The following SHANK2 variants were observed in gnomAD, a reference collection of about 807,000 sequenced individuals.
SHANK2 encodes the protein SH3 and multiple ankyrin repeat domains protein 2.
A neutral mutation model predicts 133.7 loss-of-function variants in SHANK2; 43 were observed. That is an observed-to-expected ratio of 0.32 (90% confidence interval 0.25 to 0.41). The LOEUF (loss-of-function observed/expected upper bound fraction) is 0.41, where lower values mean the gene tolerates loss of function less well. SHANK2 is among the 10% of genes least tolerant of loss of function. The pLI, the probability that SHANK2 is intolerant of heterozygous loss-of-function variation, is 1.00. For synonymous variants in SHANK2, 1,017 were observed against 952.8 expected (o/e 1.07, Z -1.24); for missense variants, 1,994 against 2,235.8 (o/e 0.89, Z 2.18).
intron 17 of SHANK2, among the ~76,000 whole-genome samples, chr11:70,622,322 G>A (rs1187422221): frequency 4.1e-5 from 6 of 148,112 alleles, no homozygotes; most frequent in Admixed American, 4.0e-4. Flanking sequence ...GTCAACCCCC[G>A]CCCCCACCTG....
chr11:70,587,391 C>T (rs2060268157), intron 17 of SHANK2, among the ~76,000 whole-genome samples: 1 of 152,136 alleles, frequency 6.6e-6, no homozygotes, highest in South Asian at 2.1e-4. Context: ...GAGCCTGTCG[C>T]GGCACCACGG....
intron 2 of SHANK2, among the ~76,000 whole-genome samples, chr11:71,180,174 A>C (rs1953527999): frequency 6.6e-6 from 1 of 152,212 alleles, no homozygotes; most frequent in African/African-American, 2.4e-5. Flanking sequence ...TCAGAAGCAA[A>C]TAGCTCTGGG....
intron 3 of SHANK2, among the ~76,000 whole-genome samples, chr11:71,135,280 G>A (rs1471749648): frequency 1.3e-5 from 2 of 152,160 alleles, no homozygotes; most frequent in Non-Finnish European, 2.9e-5. Context: ...CCGGCTGATG[G>A]GGTACAAGGA....
At chr11:71,132,153 G>A (rs12286150) in intron 3 of SHANK2, among the ~76,000 whole-genome samples, 2 of 152,122 alleles carry the variant, frequency 1.3e-5, no homozygotes, top group African/African-American at 2.4e-5. Context: ...GGCCTTGTCC[G>A]CCCAGAAGGG....
intron 10 of SHANK2, among the ~76,000 whole-genome samples, chr11:70,907,158 G>A (rs563172233): frequency 6.6e-6 from 1 of 152,370 alleles, no homozygotes; most frequent in Non-Finnish European, 1.5e-5. Flanking sequence ...TATTGTAGGA[G>A]CAGTTCCATG....
chr11:70,685,582 C>T (rs11237177), intron 15 of SHANK2, among the ~76,000 whole-genome samples: 77,682 of 152,022 alleles, frequency 0.51, 20,158 homozygotes, highest in African/African-American at 0.56. Flanking sequence ...AAGCAGATTC[C>T]AAGCTGGACC....
intron 11 of SHANK2, among the ~76,000 whole-genome samples, chr11:70,868,361 C>T (rs1212262676): frequency 3.3e-5 from 5 of 152,188 alleles, no homozygotes; most frequent in African/African-American, 1.2e-4. Flanking sequence ...GATAAACTCC[C>T]AGGCCTCGGT....
intron 17 of SHANK2, among the ~76,000 whole-genome samples, chr11:70,509,108 CA>C: frequency 6.6e-6 from 1 of 152,368 alleles, no homozygotes; most frequent in South Asian, 2.1e-4. Context: ...AGCTGTGGGA[CA>C]GTCCCTGTCT....
chr11:71,113,959 A>T (rs906849789), intron 4 of SHANK2, among the ~76,000 whole-genome samples: 1 of 152,204 alleles, frequency 6.6e-6, no homozygotes, highest in East Asian at 1.9e-4. Context: ...GCACGGAGTA[A>T]GCAACATTGT....
intron 11 of SHANK2, among the ~76,000 whole-genome samples, chr11:70,857,301 T>C (rs1416868837): frequency 6.6e-6 from 1 of 152,154 alleles, no homozygotes; most frequent in Non-Finnish European, 1.5e-5. Flanking sequence ...AGGAATCAAA[T>C]TGGATAATGC....
At position 70,535,345 on chromosome 11, in the gene SHANK2, CCATT is replaced by C. The variant is rs66986001; in HGVS notation, c.2062-32418_2062-32415del. 0.22 allele frequency among the ~76,000 whole-genome samples: 33,333 copies of C among 151,768 alleles called. 4,187 individuals carry two copies. The highest frequency in any genetic ancestry group is 0.38 in the East Asian group (1,942 of 5,128). ...TCTATCCCTCTGTTCTTCCATTCATCCATTCATTATCTACCATCATCCATCTGCC... is the reference window on the plus strand; with the variant it reads ...TCTATCCCTCTGTTCTTCCATTCATCCATTATCTACCATCATCCATCTGCC... On this transcript the variant is annotated intron_variant, in intron 17 of 25. Coordinates refer to ENST00000601538, the MANE Select transcript of SHANK2 (RefSeq NM_012309.5). The surrounding 1 kb of genome is among the most constrained non-coding windows in gnomAD (Gnocchi z 4.3).
chr11:70,816,275 C>T (rs1157261442), intron 12 of SHANK2, among the ~76,000 whole-genome samples: 1 of 152,248 alleles, frequency 6.6e-6, no homozygotes, highest in East Asian at 1.9e-4. Context: ...GGCACAGAAC[C>T]AGCAAGTGAC....
intron 21 of SHANK2, among the ~76,000 whole-genome samples, chr11:70,494,506 C>A (rs143504799): frequency 2.6e-5 from 4 of 152,226 alleles, no homozygotes; most frequent in African/African-American, 7.2e-5. Flanking sequence ...GTTGGCCAGG[C>A]TGGTCTCAGA....
At position 70,468,755 on chromosome 11, in the gene SHANK2, TGGAAGCATAGA is replaced by T. The variant is rs1215845421; in HGVS notation, c.*4103_*4113del. On this transcript the variant is annotated 3_prime_UTR_variant, in exon 26 of 26. Transcript: ENST00000601538. ...TGAGGACTGGAATTTTTCCTGAACG[TGGAAGCATAGA>T]GGCTGCTGCTCAACTGGGGAATGTG... 5 of 152,204 alleles carry T rather than the reference TGGAAGCATAGA, an allele frequency of 3.3e-5. No homozygotes were observed. The highest frequency in any genetic ancestry group is 1.2e-4 in the African/African-American group (5 of 41,456). 9.4% of individuals were successfully genotyped at this position (152,204 alleles called of 1,614,324 possible).
At chr11:70,514,776 A>C (rs1158990810) in intron 17 of SHANK2, among the ~76,000 whole-genome samples, 1 of 152,216 alleles carries the variant, frequency 6.6e-6, no homozygotes, top group East Asian at 1.9e-4. Context: ...AGAATAGTTA[A>C]ATAATCTAAA....
chr11:70,639,301 G>A (rs894138323), intron 17 of SHANK2, among the ~76,000 whole-genome samples: 1 of 152,188 alleles, frequency 6.6e-6, no homozygotes, highest in Non-Finnish European at 1.5e-5. Flanking sequence ...CCACAAACTG[G>A]TGGCTTCTAG....
At chr11:70,927,062 A>G (rs1950438592) in intron 10 of SHANK2, among the ~76,000 whole-genome samples, 1 of 152,226 alleles carries the variant, frequency 6.6e-6, no homozygotes, top group South Asian at 2.1e-4. Flanking sequence ...AGGGAAAAAA[A>G]GAATACCAGG....
chr11:70,734,392 G>A (rs781902542), intron 14 of SHANK2, among the ~76,000 whole-genome samples: 8 of 152,194 alleles, frequency 5.3e-5, no homozygotes, highest in East Asian at 1.9e-4. Context: ...CATGATGAGC[G>A]TGAGGGCGCC....
intron 9 of SHANK2, among the ~76,000 whole-genome samples, chr11:71,072,173 T>C (rs987473213): frequency 6.6e-6 from 1 of 152,008 alleles, no homozygotes; most frequent in African/African-American, 2.4e-5. Flanking sequence ...AAGCAGTGCC[T>C]GCACCCCACC....
Sources: gnomAD v4.1 joint callset for allele counts (sites outside exome capture counted in the v4.1 genomes callset) on GRCh38, gnomAD v4.1.1 for gene constraint, Gnocchi (gnomAD v3.1) non-coding constraint, MANE v1.5 for transcripts, NCBI Gene and HGNC (gene_info 2026-07-23, HGNC 2026-07-21) for gene names.